Variants in ATP2B2 observed in about 807,000 individuals in gnomAD.
ATP2B2 encodes ATPase plasma membrane Ca2+ transporting 2.
A neutral mutation model predicts 120.0 loss-of-function variants in ATP2B2; 15 were observed. The observed-to-expected ratio is 0.12, with a 90% CI of 0.08 to 0.19. The LOEUF is 0.19. Ranked by LOEUF, ATP2B2 falls within the 10% of genes least tolerant of loss-of-function variation. ATP2B2 has a pLI of 1.00. For missense variants in ATP2B2, 1,045 were observed against 1,719.8 expected (o/e 0.61, Z 6.94); for synonymous variants, 694 against 700.3 (o/e 0.99, Z 0.14).
intron 15 of ATP2B2, 34 bp from the exon 16 acceptor site, chr3:10,350,233 G>T: frequency 1.3e-6 from 2 of 1,580,998 alleles, no homozygotes; most frequent in Non-Finnish European, 1.7e-6. Flanking sequence ...CGGGTCGGTG[G>T]GGTCGGGGAG....
chr3:10,498,535 A>G (rs568802024), intron 1 of ATP2B2, among the ~76,000 whole-genome samples: 1 of 152,356 alleles, frequency 6.6e-6, no homozygotes, highest in Non-Finnish European at 1.5e-5. Flanking sequence ...TGGGCCTGCA[A>G]GGCAGGTGTT....
intron 2 of ATP2B2, among the ~76,000 whole-genome samples, chr3:10,590,236 G>A (rs961396523): frequency 6.6e-6 from 1 of 152,196 alleles, no homozygotes; most frequent in African/African-American, 2.4e-5. Flanking sequence ...AGGCAAATCT[G>A]TAAATCAGTG....
At chr3:10,508,067 A>G (rs2066682631), upstream of ATP2B2, among the ~76,000 whole-genome samples, 1 of 152,152 alleles carries the variant, frequency 6.6e-6, no homozygotes, top group African/African-American at 2.4e-5. Context: ...CCAAACTCTC[A>G]GGCAGTTGTG....
At position 10,340,391 on chromosome 3, in the gene ATP2B2, C is replaced by T. The variant is rs751696832; in HGVS notation, c.3130-42G>A. 9 of 1,606,254 alleles carry T rather than the reference C, an allele frequency of 5.6e-6. No homozygotes were observed. The African/African-American group carries it at 8.0e-5, about 14-fold the overall frequency. On this transcript the variant is annotated intron_variant, in intron 20 of 22. Coordinates refer to ENST00000360273, the MANE Select transcript of ATP2B2 (RefSeq NM_001001331.4). This position sits in a 1 kb window ranked among gnomAD's most constrained non-coding sequence, Gnocchi z 5.0. The stretch of plus-strand genomic sequence containing the variant: ...AGCAGAGAAAGAGAGAGAGAGAGGC[C>T]ATCAGGGACCAGCACAGAGGGCTGG...
chr3:10,638,613 T>A (rs895163948), intron 1 of ATP2B2, among the ~76,000 whole-genome samples: 2 of 152,170 alleles, frequency 1.3e-5, no homozygotes, highest in African/African-American at 2.4e-5. Flanking sequence ...GCTAACCATA[T>A]CTATGATCCC....
intron 1 of ATP2B2, among the ~76,000 whole-genome samples, chr3:10,621,979 A>G (rs1242223702): frequency 6.6e-6 from 1 of 152,168 alleles, no homozygotes; most frequent in Non-Finnish European, 1.5e-5. Flanking sequence ...GGTCATTGAG[A>G]CACCCTCTGA....
intron 2 of ATP2B2, among the ~76,000 whole-genome samples, chr3:10,588,842 C>T (rs1020284586): frequency 2.6e-5 from 4 of 152,120 alleles, no homozygotes; most frequent in African/African-American, 9.7e-5. Context: ...AAGAAAAGAA[C>T]TAGAAATAGA....
chr3:10,333,226 G>A (rs1480423920), intron 22 of ATP2B2, among the ~76,000 whole-genome samples: 5 of 152,182 alleles, frequency 3.3e-5, no homozygotes, highest in African/African-American at 1.2e-4. Flanking sequence ...GGGCACACTG[G>A]CTGCAGGTGT....
At chr3:10,515,213 G>A (rs1207591402) in intron 3 of ATP2B2, among the ~76,000 whole-genome samples, 1 of 152,174 alleles carries the variant, frequency 6.6e-6, no homozygotes, top group African/African-American at 2.4e-5. Flanking sequence ...TAATACATCT[G>A]TAAAGTGGGG....
intron 2 of ATP2B2, among the ~76,000 whole-genome samples, chr3:10,592,116 C>T (rs879444805): frequency 2.0e-5 from 3 of 152,150 alleles, no homozygotes; most frequent in African/African-American, 4.8e-5. Context: ...GGAGAACAGC[C>T]ATGGTAAGGA....
intron 1 of ATP2B2, among the ~76,000 whole-genome samples, chr3:10,649,112 C>T (rs184247242): frequency 9.5e-4 from 144 of 152,256 alleles, no homozygotes; most frequent in Non-Finnish European, 1.8e-3. Context: ...CGGGGTCTTC[C>T]TTTGTTAGCT....
chr3:10,419,914 G>A (rs1176477480), intron 2 of ATP2B2, among the ~76,000 whole-genome samples: 1 of 152,200 alleles, frequency 6.6e-6, no homozygotes, highest in Non-Finnish European at 1.5e-5. Flanking sequence ...CTGCGACAAT[G>A]GGGTGCTCAG....
At chr3:10,691,924 G>A (rs148456986) in intron 1 of ATP2B2, among the ~76,000 whole-genome samples, 10 of 152,116 alleles carry the variant, frequency 6.6e-5, no homozygotes, top group Non-Finnish European at 1.2e-4. Context: ...ATCTTGCTTC[G>A]TCTTCCAATA....
intron 1 of ATP2B2, among the ~76,000 whole-genome samples, chr3:10,662,303 G>C (rs2070805136): frequency 6.6e-6 from 1 of 151,662 alleles, no homozygotes; most frequent in Non-Finnish European, 1.5e-5. Context: ...AGTGAACAGG[G>C]AACCTACAGA....
At chr3:10,447,750 G>A (rs1009224524) in intron 2 of ATP2B2, among the ~76,000 whole-genome samples, 1 of 152,184 alleles carries the variant, frequency 6.6e-6, no homozygotes, top group African/African-American at 2.4e-5. Context: ...AAGCAAAGCC[G>A]ATGCCCATTT....
intron 1 of ATP2B2, among the ~76,000 whole-genome samples, chr3:10,706,681 G>C (rs2071901210): frequency 6.6e-6 from 1 of 152,216 alleles, no homozygotes; most frequent in Non-Finnish European, 1.5e-5. Context: ...TTTGGATACA[G>C]ACCATACACT....
chr3:10,639,748 G>A (rs1300375781), intron 1 of ATP2B2, among the ~76,000 whole-genome samples: 1 of 152,126 alleles, frequency 6.6e-6, no homozygotes, highest in Non-Finnish European at 1.5e-5. Context: ...GGTGACTGCT[G>A]GAACCATGGC....
intron 2 of ATP2B2, among the ~76,000 whole-genome samples, chr3:10,430,546 ACTC>A (rs987653052): frequency 6.6e-6 from 1 of 151,596 alleles, no homozygotes; most frequent in African/African-American, 2.4e-5. Flanking sequence ...ATAAGAAGCA[ACTC>A]CTCCTCCATT....
At chr3:10,379,096 C>A in intron 9 of ATP2B2, 147 bp downstream of exon 9, 1 of 980,476 alleles carries the variant, frequency 1.0e-6, no homozygotes, top group Non-Finnish European at 1.6e-6. Flanking sequence ...ATGCAAATCA[C>A]AGCTACACCC....
Sources: allele counts gnomAD v4.1 joint callset (sites outside exome capture counted in the v4.1 genomes callset), GRCh38; gene constraint gnomAD v4.1.1; non-coding constraint Gnocchi (gnomAD v3.1); transcripts MANE v1.5; gene names NCBI Gene and HGNC (gene_info 2026-07-23, HGNC 2026-07-21).